The following THRAP3 variants were observed in gnomAD, a reference collection of about 807,000 sequenced individuals.
THRAP3 encodes thyroid hormone receptor-associated protein 3.
Under a neutral mutation model 101.0 loss-of-function variants are expected in THRAP3, and 16 were observed. The observed-to-expected ratio is 0.16, with a 90% CI of 0.11 to 0.24. The LOEUF is 0.24. Ranked by LOEUF, THRAP3 falls within the 10% of genes least tolerant of loss-of-function variation. The probability of loss-of-function intolerance (pLI) is 1.00; values close to 1 mark genes in which losing one functional copy is unlikely to be tolerated. For synonymous variants in THRAP3, 407 were observed against 422.6 expected, an observed-to-expected ratio of 0.96 and a Z score of 0.45; for missense variants, 989 against 1,202.7, an observed-to-expected ratio of 0.82 and a Z score of 2.63.
Position 36,297,822 on chromosome 1 carries a change from A to G in THRAP3, c.2303+1052A>G, listed in dbSNP as rs1431893167. On this transcript the variant is annotated intron_variant, in intron 9 of 11. Transcript: ENST00000354618. ...GATATCCATTTTGCCCATTTGAAAG[A>G]TAAGCCAAGCTTAGAATAATGTGCC... Among the ~76,000 whole-genome samples, 3 of 151,904 alleles carry G rather than the reference A, an allele frequency of 2.0e-5. 1 individual carries two copies. The highest frequency in any genetic ancestry group is 4.2e-4 in the South Asian group (2 of 4,816).
At chr1:36,224,222 G>A (rs1252172873), upstream of THRAP3, among the ~76,000 whole-genome samples, 2 of 152,250 alleles carry the variant, frequency 1.3e-5, no homozygotes, top group Admixed American at 6.5e-5. Context: ...ACCCAGGCGG[G>A]GGGAGGGGAC....
At chr1:36,281,578 C>CT (rs11331243) in intron 2 of THRAP3, among the ~76,000 whole-genome samples, 198 of 145,194 alleles carry the variant, frequency 1.4e-3, no homozygotes, top group African/African-American at 4.2e-3. Context: ...GTCATTTCAT[C>CT]TTTTTTTTTT....
chr1:36,209,219 C>T, the THRAP3 span, among the ~76,000 whole-genome samples: 2 of 151,960 alleles, frequency 1.3e-5, no homozygotes, highest in African/African-American at 4.8e-5. Flanking sequence ...CTCAAGTGAT[C>T]CTCCCACCTT....
chr1:36,228,350 T>C (rs1644986521), intron 1 of THRAP3, among the ~76,000 whole-genome samples: 1 of 152,180 alleles, frequency 6.6e-6, no homozygotes, highest in Non-Finnish European at 1.5e-5. Context: ...CCCAAATAGC[T>C]GGAATTATAG....
At chr1:36,271,473 G>T (rs1160896562) in intron 2 of THRAP3, among the ~76,000 whole-genome samples, 1 of 151,964 alleles carries the variant, frequency 6.6e-6, no homozygotes, top group Non-Finnish European at 1.5e-5. Flanking sequence ...AGTGGAGACG[G>T]GGTTTCACCA....
At chr1:36,250,838 C>A (rs994364119) in intron 1 of THRAP3, among the ~76,000 whole-genome samples, 1 of 152,090 alleles carries the variant, frequency 6.6e-6, no homozygotes, top group African/African-American at 2.4e-5. Flanking sequence ...CCTCCACCTC[C>A]TGGGCTCAAG....
chr1:36,300,848 A>G (rs773890544), intron 9 of THRAP3, 38 bp from the exon 10 acceptor site: 2 of 1,607,822 alleles, frequency 1.2e-6, no homozygotes, highest in Non-Finnish European at 1.7e-6. Context: ...TGTCCCTTAG[A>G]AAGATGATTG....
intron 1 of THRAP3, among the ~76,000 whole-genome samples, chr1:36,234,289 C>T (rs1313088058): frequency 6.6e-6 from 1 of 152,162 alleles, no homozygotes; most frequent in Non-Finnish European, 1.5e-5. Flanking sequence ...ACCCTTCTAC[C>T]CTACCCCAGG....
At chr1:36,267,291 A>G (rs532690775) in intron 2 of THRAP3, among the ~76,000 whole-genome samples, 1 of 152,172 alleles carries the variant, frequency 6.6e-6, no homozygotes, top group Non-Finnish European at 1.5e-5. Context: ...TTTCTTTACC[A>G]CCTAATTCCA....
At position 36,285,054 on chromosome 1, in the gene THRAP3, A is replaced by G. The variant is rs1645778702; in HGVS notation, c.138-1314A>G. On this transcript the variant is annotated intron_variant, in intron 3 of 11. Transcript: ENST00000354618. ...GTGGGCAATAAATAGTGGAAAACCAATCCCACTTTATCTTTAGATTAAATT... is the reference window on the plus strand; with the variant it reads ...GTGGGCAATAAATAGTGGAAAACCAGTCCCACTTTATCTTTAGATTAAATT... 2.0e-5 allele frequency among the ~76,000 whole-genome samples: 3 copies of G among 152,316 alleles called. No individual in the cohort carries two copies. The East Asian group carries it at 5.8e-4, about 29-fold the overall frequency.
intron 1 of THRAP3, among the ~76,000 whole-genome samples, chr1:36,226,802 C>T (rs984627989): frequency 6.6e-5 from 10 of 152,158 alleles, no homozygotes; most frequent in Admixed American, 2.0e-4. Context: ...CTGTCATTTA[C>T]CAGCTTCTGT....
chr1:36,291,977 G>A, intron 6 of THRAP3, among the ~76,000 whole-genome samples: 1 of 152,072 alleles, frequency 6.6e-6, no homozygotes, highest in East Asian at 1.9e-4. Context: ...GAGAAGCTGG[G>A]TTGGGCCAGT....
At chr1:36,232,215 G>A (rs2124354324) in intron 1 of THRAP3, among the ~76,000 whole-genome samples, 1 of 152,032 alleles carries the variant, frequency 6.6e-6, no homozygotes, top group Non-Finnish European at 1.5e-5. Context: ...ACCCTATCTC[G>A]AAAAGAAAAA....
In THRAP3 at chr1:36,260,909, G is replaced by A. The variant is rs534632449; in HGVS notation, c.-32+1425G>A. On this transcript the variant is annotated intron_variant, in intron 2 of 11. Coordinates refer to ENST00000354618, the MANE Select transcript of THRAP3 (RefSeq NM_005119.4). ...TTTACAACATTATTATGATTACGTA[G>A]CGCTTATTCACAGCCCAGTCATTTT... 7.3e-5 allele frequency among the ~76,000 whole-genome samples: 11 copies of A among 151,470 alleles called. No individual in the cohort carries two copies. In the South Asian group the frequency reaches 1.5e-3, roughly 20 times the overall value.
chr1:36,294,293 C>A, intron 8 of THRAP3: 1 of 929,628 alleles, frequency 1.1e-6, no homozygotes. Context: ...ACCATGATTT[C>A]AGAAAGACAT....
intron 1 of THRAP3, among the ~76,000 whole-genome samples, chr1:36,245,958 G>A (rs1389171288): frequency 2.0e-5 from 3 of 152,240 alleles, no homozygotes; most frequent in Non-Finnish European, 2.9e-5. Context: ...GCTTACAGTC[G>A]TTCTAAGTAC....
At position 36,276,726 on chromosome 1, in the gene THRAP3, G is replaced by C. The variant is rs184631460; in HGVS notation, c.-31-5807G>C. 3.2e-3 allele frequency among the ~76,000 whole-genome samples: 481 copies of C among 151,308 alleles called. 4 individuals carry two copies. Among genetic ancestry groups the C allele is most frequent in the African/African-American group, 0.011 (462 of 41,240 alleles). On this transcript the variant is annotated intron_variant, in intron 2 of 11. Transcript: ENST00000354618. ...ACAAAAATGAGCTGGGTGTGGTGTTGCACCAATGTAATCCCAGCTACTCGA... is the reference window on the plus strand; with the variant it reads ...ACAAAAATGAGCTGGGTGTGGTGTTCCACCAATGTAATCCCAGCTACTCGA...
Position 36,303,568 on chromosome 1 carries a change from G to A in THRAP3, c.2647-228G>A, listed in dbSNP as rs114381728. Among the ~76,000 whole-genome samples, 389 of 152,258 alleles carry A rather than the reference G, an allele frequency of 2.6e-3. 3 individuals carry two copies. The highest frequency in any genetic ancestry group is 9.1e-3 in the African/African-American group (378 of 41,546). On this transcript the variant is annotated intron_variant, in intron 11 of 11. Transcript: ENST00000354618. ...CATCATTGTCAATCATCGTTACAATGCCCAAGCTGTTACCTTAAAATTCCT... is the reference window on the plus strand; with the variant it reads ...CATCATTGTCAATCATCGTTACAATACCCAAGCTGTTACCTTAAAATTCCT...
chr1:36,276,203 A>G (rs1187517079), intron 2 of THRAP3, among the ~76,000 whole-genome samples: 1 of 150,752 alleles, frequency 6.6e-6, no homozygotes, highest in Non-Finnish European at 1.5e-5. Flanking sequence ...AAAGAAAAAC[A>G]GAGTTCAGCA....
Sources: gnomAD v4.1 joint callset for allele counts (sites outside exome capture counted in the v4.1 genomes callset) on GRCh38, gnomAD v4.1.1 for gene constraint, MANE v1.5 for transcripts, NCBI Gene and HGNC (gene_info 2026-07-23, HGNC 2026-07-21) for gene names.